OR10H5: variants seen among roughly 807,000 people sequenced by gnomAD.
OR10H5 encodes olfactory receptor family 10 subfamily H member 5, also known as olfactory receptor 10H5.
OR10H5 carries 7 observed loss-of-function variants against 12.2 expected under a neutral mutation model. That is an observed-to-expected ratio of 0.57 (90% CI 0.33 to 1.07). The LOEUF (loss-of-function observed/expected upper bound fraction) is 1.07, where lower values mean the gene tolerates loss of function less well. OR10H5 is among the 50% of genes least tolerant of loss of function. OR10H5 has a pLI of 0.04. For missense variants in OR10H5, 346 were observed against 411.6 expected, an observed-to-expected ratio of 0.84 and a Z score of 1.38; for synonymous variants, 159 against 175.1, an observed-to-expected ratio of 0.91 and a Z score of 0.73.
In OR10H5 at chr19:15,794,932, A is replaced by T. The variant is rs2088831939; in HGVS notation, c.884A>T (p.Asn295Ile). 6.2e-7 allele frequency: 1 copy of T among 1,614,178 alleles called. No individual in the cohort carries two copies. Residue 295 changes from asparagine (N) to isoleucine (I), a missense_variant, in exon 2 of 2, where the codon AAC becomes ATC. Asn to Ile is a moderately radical substitution (Grantham distance 149). Coordinates refer to ENST00000642092, the MANE Select transcript of OR10H5 (RefSeq NM_001004466.2). ...AGCCCCATCATCTTCAGCCTCAGGA[A>T]CAAGGAGCTGAAGGTCGCCATGAAG... The part of the protein sequence containing the change: ...FLSPIIFSLR[N>I]KELKVAMKKT...
intron 1 of OR10H5, among the ~76,000 whole-genome samples, chr19:15,788,107 G>A (rs2088791502): frequency 6.6e-6 from 1 of 152,116 alleles, no homozygotes; most frequent in African/African-American, 2.4e-5. Flanking sequence ...GTGTACTTAG[G>A]CATCACCCAT....
intron 1 of OR10H5, among the ~76,000 whole-genome samples, chr19:15,792,926 C>A (rs1448108397): frequency 2.0e-5 from 3 of 151,826 alleles, no homozygotes; most frequent in Non-Finnish European, 4.4e-5. Flanking sequence ...GGGACCAACC[C>A]ACGGTCCCCT....
At chr19:15,791,441 TACACACACACACACACACAC>T (rs35542150) in intron 1 of OR10H5, among the ~76,000 whole-genome samples, 1 of 147,442 alleles carries the variant, frequency 6.8e-6, no homozygotes, top group South Asian at 2.2e-4. Flanking sequence ...ATAGATACCA[TACACACACACACACACACAC>T]ACACACACAC....
At chr19:15,791,754 G>T (rs186517177) in intron 1 of OR10H5, among the ~76,000 whole-genome samples, 255 of 151,196 alleles carry the variant, frequency 1.7e-3, no homozygotes, top group African/African-American at 5.7e-3. Context: ...GTGCAGTGGC[G>T]CCATCTCGGC....
intron 1 of OR10H5, among the ~76,000 whole-genome samples, chr19:15,788,453 G>A (rs1426793574): frequency 1.3e-5 from 2 of 152,058 alleles, no homozygotes; most frequent in Non-Finnish European, 2.9e-5. Context: ...GGCACCAGTT[G>A]TTGGATTTAG....
chr19:15,793,296 A>G (rs766839989), intron 1 of OR10H5, among the ~76,000 whole-genome samples: 1 of 151,938 alleles, frequency 6.6e-6, no homozygotes, highest in South Asian at 2.1e-4. Flanking sequence ...ATTTTCTTAT[A>G]CTTCGTAGAC....
chr19:15,797,392 A>T lies in OR10H5; in HGVS notation c.*2396A>T, dbSNP rs747760267. The T allele has an allele frequency of 6.6e-6, 1 of 152,158 alleles. No individual in the cohort carries two copies. Among genetic ancestry groups the T allele is most frequent in the Non-Finnish European group, 1.5e-5 (1 of 68,038 alleles). 9.4% of individuals were successfully genotyped at this position (152,158 alleles called of 1,614,324 possible). A position where few individuals can be genotyped will look rare whatever the true frequency, so the allele number is the denominator to read the frequency against. ...AAACAGGTAAAAATCAGACTGTGTG[A>T]GTTTGAAAGAGTGCAGGAAAGGTGG... On this transcript the variant is annotated 3_prime_UTR_variant, in exon 2 of 2. Coordinates refer to ENST00000642092, the MANE Select transcript of OR10H5 (RefSeq NM_001004466.2).
intron 1 of OR10H5, among the ~76,000 whole-genome samples, chr19:15,791,238 C>T (rs1034185963): frequency 1.3e-5 from 2 of 151,886 alleles, no homozygotes; most frequent in Admixed American, 1.3e-4. Flanking sequence ...CCGAGCTACT[C>T]GGGAGGCTGA....
intron 1 of OR10H5, among the ~76,000 whole-genome samples, chr19:15,788,706 C>T (rs1345568412): frequency 2.0e-5 from 3 of 151,992 alleles, no homozygotes; most frequent in Non-Finnish European, 2.9e-5. Flanking sequence ...TCAGGCTGGT[C>T]TCGAACTCCT....
rs750391231 is a variant in OR10H5 at position 15,794,966 on chromosome 19, C to T, written c.918C>T (p.Cys306=). The T allele has an allele frequency of 1.3e-5, 21 of 1,614,022 alleles. No homozygotes were observed. Among genetic ancestry groups the T allele is most frequent in the Admixed American group, 5.0e-5 (3 of 59,998 alleles). ...TGAAGGTCGCCATGAAGAAGACTTG[C>T]TTCACCAAACTCTTTCCACAGAACT... is the stretch of plus-strand genomic sequence containing the variant. ...KELKVAMKKT[C]FTKLFPQNC is the part of the protein sequence containing the mutation. Residue 306 remains cysteine, a synonymous_variant, in exon 2 of 2, where the codon TGC becomes TGT. Transcript: ENST00000642092.
At chr19:15,788,971 C>T (rs1223687873) in intron 1 of OR10H5, among the ~76,000 whole-genome samples, 2 of 152,134 alleles carry the variant, frequency 1.3e-5, no homozygotes, top group African/African-American at 2.4e-5. Flanking sequence ...ACCTATCAAC[C>T]TATCACCTAG....
Position 15,795,215 on chromosome 19 carries a change from T to G in OR10H5, c.*219T>G. 1 of 445,474 alleles carries G rather than the reference T, an allele frequency of 2.2e-6. No individual in the cohort carries two copies. The highest frequency in any genetic ancestry group is 3.8e-6 in the Non-Finnish European group (1 of 260,136). The allele number at this position is 445,474 out of a possible 1,614,324, so 27.6% of individuals were successfully genotyped here. A position where few individuals can be genotyped will look rare whatever the true frequency, so the allele number is the denominator to read the frequency against. On this transcript the variant is annotated 3_prime_UTR_variant, in exon 2 of 2. Coordinates refer to ENST00000642092, the MANE Select transcript of OR10H5 (RefSeq NM_001004466.2). ...CTTCCATCCTTCCTCCCTCCCTCCC[T>G]CCCCCTTCCTTCTTCTCTGCCTACT... is the stretch of plus-strand genomic sequence containing the variant.
rs1467631870 is a variant in OR10H5 at position 15,799,486 on chromosome 19, C to G, written c.*4490C>G. ...CCCTCGAAAGACTAAAAAATGGAAG[C>G]CATCATTAATTTAAAACAGGATTAA... On this transcript the variant is annotated 3_prime_UTR_variant, in exon 2 of 2. Coordinates refer to ENST00000642092, the MANE Select transcript of OR10H5 (RefSeq NM_001004466.2). 6.6e-6 allele frequency: 1 copy of G among 151,992 alleles called. No homozygotes were observed. The highest frequency in any genetic ancestry group is 2.4e-5 in the African/African-American group (1 of 41,356). 9.4% of individuals were successfully genotyped at this position (151,992 alleles called of 1,614,324 possible). A position where few individuals can be genotyped will look rare whatever the true frequency, so the allele number is the denominator to read the frequency against.
rs1205263813 is a variant in OR10H5 at position 15,795,024 on chromosome 19, A to G, written c.*28A>G. 1 of 1,595,220 alleles carries G rather than the reference A, an allele frequency of 6.3e-7. No homozygotes were observed. Among genetic ancestry groups the G allele is most frequent in the African/African-American group, 1.3e-5 (1 of 74,566 alleles). On this transcript the variant is annotated 3_prime_UTR_variant, in exon 2 of 2. Transcript: ENST00000642092. The stretch of plus-strand genomic sequence containing the variant: ...TGGCTGACTTTCTCTCAAGAGATGT[A>G]GCGAATGGGAACACTTTAGTCTTCC...
At chr19:15,789,868 A>G (rs1190530495) in intron 1 of OR10H5, among the ~76,000 whole-genome samples, 2 of 149,112 alleles carry the variant, frequency 1.3e-5, no homozygotes, top group African/African-American at 2.5e-5. Flanking sequence ...TGCAGCCTCG[A>G]ATTCCTGTAC....
At chr19:15,791,609 A>T (rs754696) in intron 1 of OR10H5, among the ~76,000 whole-genome samples, 6 of 151,506 alleles carry the variant, frequency 4.0e-5, no homozygotes, top group African/African-American at 1.5e-4. Flanking sequence ...ATCATGTCTC[A>T]CTTCTACTTC....
intron 1 of OR10H5, 62 bp from the exon 2 acceptor site, chr19:15,793,976 G>C (rs1459079742): frequency 7.1e-7 from 1 of 1,411,246 alleles, no homozygotes; most frequent in Non-Finnish European, 9.7e-7. Context: ...TCCCAGGTGG[G>C]AGTCACTAGA....
At chr19:15,790,357 C>A (rs546582737) in intron 1 of OR10H5, among the ~76,000 whole-genome samples, 1 of 152,192 alleles carries the variant, frequency 6.6e-6, no homozygotes, top group Non-Finnish European at 1.5e-5. Context: ...ATCACGACAA[C>A]GTCAGCTGGC....
At chr19:15,791,264 T>G (rs2144926576) in intron 1 of OR10H5, among the ~76,000 whole-genome samples, 1 of 152,198 alleles carries the variant, frequency 6.6e-6, no homozygotes, top group South Asian at 2.1e-4. Flanking sequence ...GAGAATCACT[T>G]GAACCCGGGA....
Sources: gnomAD v4.1 joint callset for allele counts (sites outside exome capture counted in the v4.1 genomes callset) on GRCh38, gnomAD v4.1.1 for gene constraint, MANE v1.5 for transcripts, NCBI Gene and HGNC (gene_info 2026-07-23, HGNC 2026-07-21) for gene names.